The following RNF31 variants were observed in gnomAD, a reference collection of about 807,000 sequenced individuals.
The protein encoded by RNF31 is ring finger protein 31, also known as E3 ubiquitin-protein ligase RNF31.
In RNF31, 38 loss-of-function variants were observed where a neutral mutation model predicts 133.6. The ratio of observed to expected loss-of-function variants is 0.28; its 90% CI spans 0.22 to 0.37. The LOEUF (loss-of-function observed/expected upper bound fraction) is 0.37. Ranked by LOEUF, RNF31 falls within the 10% of genes least tolerant of loss-of-function variation. The pLI is 1.00. For missense variants in RNF31, 1,118 were observed against 1,394.1 expected (o/e 0.80, Z 3.15); for synonymous variants, 582 against 552.3 (o/e 1.05, Z -0.75).
chr14:24,157,739 C>A, intron 16 of RNF31, 101 bp downstream of exon 16: 2 of 1,163,664 alleles, frequency 1.7e-6, no homozygotes, highest in South Asian at 1.3e-5. Flanking sequence ...GAGAAGAGGT[C>A]AACGGGATGT....
rs1197765259 is a variant in RNF31 at position 24,160,243 on chromosome 14, C to G, written c.3001C>G (p.His1001Asp). ...PAGYAGLCQA[H>D]YKEYLVSLIN... ...TCTGCTCCCTTTTCTCCCCAGGGCACACTACAAAGAGTATCTTGTGAGCCT... is the reference window on the plus strand; with the variant it reads ...TCTGCTCCCTTTTCTCCCCAGGGCAGACTACAAAGAGTATCTTGTGAGCCT... The change falls in exon 20 of 21, where the codon CAC becomes GAC. Residue 1001 changes from histidine to aspartate, a missense_variant. Physicochemically the swap from His to Asp is moderately conservative, Grantham distance 81. This residue lies in a region of RNF31 where 170 missense variants were observed against 194.5 expected (regional missense o/e 0.87). Coordinates refer to ENST00000324103, the MANE Select transcript of RNF31 (RefSeq NM_017999.5). The surrounding 1 kb of genome is among the most constrained non-coding windows in gnomAD (Gnocchi z 4.0). 1.2e-6 allele frequency: 2 copies of G among 1,612,506 alleles called. No homozygotes were observed. The highest frequency in any genetic ancestry group is 1.7e-6 in the Non-Finnish European group (2 of 1,179,362).
At chr14:24,157,876 C>T (rs1245485217) in intron 16 of RNF31, 22 bp from the exon 17 acceptor site, 2 of 1,601,818 alleles carry the variant, frequency 1.2e-6, no homozygotes, top group Non-Finnish European at 1.7e-6. Context: ...AACTTCCTCT[C>T]TCCCATCTGG....
chr14:24,158,611 T>G (rs1052566214), intron 18 of RNF31: 1 of 188,554 alleles, frequency 5.3e-6, no homozygotes, highest in African/African-American at 2.4e-5. Flanking sequence ...AAGTCTACAG[T>G]CCATACCACC....
chr14:24,152,251 C>A (rs2038277861), intron 11 of RNF31, among the ~76,000 whole-genome samples: 1 of 152,122 alleles, frequency 6.6e-6, no homozygotes, highest in Non-Finnish European at 1.5e-5. Context: ...CCCCTGCAAC[C>A]CCTCCACTTC....
rs752905277 is a variant in RNF31, at chr14:24,157,418, A to G, written c.2608+14A>G. The G allele has an allele frequency of 6.9e-6, 11 of 1,605,650 alleles. No individual in the cohort carries two copies. Among genetic ancestry groups the G allele is most frequent in the East Asian group, 4.5e-5 (2 of 44,716 alleles). On this transcript the variant is annotated intron_variant, in intron 15 of 20. Coordinates refer to ENST00000324103, the MANE Select transcript of RNF31 (RefSeq NM_017999.5). ...AAAACGGCATTGGTAAGGCCTCCCT[A>G]CTCGGCCTGTTTGCTCAGAAGCCTG...
In RNF31 at chr14:24,151,703, A is replaced by C. The variant is rs746918030; in HGVS notation, c.1923+33A>C. ...GAGGAGGCAAGAAGCCCAAGGGTCC[A>C]CCTAGAGGAGCAAGAGGGAGCTGAG... is the stretch of plus-strand genomic sequence containing the variant. On this transcript the variant is annotated intron_variant, in intron 10 of 20. Coordinates refer to ENST00000324103, the MANE Select transcript of RNF31 (RefSeq NM_017999.5). The surrounding 1 kb of genome is among the most constrained non-coding windows in gnomAD (Gnocchi z 5.3). The C allele has an allele frequency of 1.6e-5, 25 of 1,606,622 alleles. No homozygotes were observed. Among genetic ancestry groups the C allele is most frequent in the Non-Finnish European group, 2.0e-5 (23 of 1,178,182 alleles).
Position 24,156,817 on chromosome 14 carries a change from A to G in RNF31, c.2494-473A>G, listed in dbSNP as rs2038347234. Among the ~76,000 whole-genome samples the G allele has an allele frequency of 2.0e-5, 3 of 152,118 alleles. No individual in the cohort carries two copies. The South Asian group carries it at 6.2e-4, about 32-fold the overall frequency. On this transcript the variant is annotated intron_variant, in intron 14 of 20. Coordinates refer to ENST00000324103, the MANE Select transcript of RNF31 (RefSeq NM_017999.5). ...GAAGTGTAATATTTGATACGAAAAAAATTTCATCTGCATCATGTCTGAAAT... is the reference window on the plus strand; with the variant it reads ...GAAGTGTAATATTTGATACGAAAAAGATTTCATCTGCATCATGTCTGAAAT...
Position 24,149,529 on chromosome 14 carries a change from A to G in RNF31, c.755A>G (p.His252Arg). The change falls in exon 6 of 21, where the codon CAT (histidine) becomes CGT (arginine). Residue 252 changes from histidine to arginine, a missense_variant. By Grantham distance (29) the His-to-Arg change is conservative (BLOSUM62 0). Transcript: ENST00000324103. ...HLFHGHPSRA[H>R]HLRQTLPGVL... ...TTCCATGGACACCCATCCCGTGCTC[A>G]TCACCTCCGCCAGACCCTGCCTGGG... 1 of 1,613,948 alleles carries G rather than the reference A, an allele frequency of 6.2e-7. No homozygotes were observed. Among genetic ancestry groups the G allele is most frequent in the Non-Finnish European group, 8.5e-7 (1 of 1,179,992 alleles).
At chr14:24,154,938 T>C in intron 11 of RNF31, 2 of 568,498 alleles carry the variant, frequency 3.5e-6, no homozygotes, top group Non-Finnish European at 6.3e-6. Flanking sequence ...ATAGGCACTT[T>C]TGCCTTTACC....
intron 3 of RNF31, 97 bp downstream of exon 3, chr14:24,148,510 TGGGCATAGTTCAGC>T (rs2038210961): frequency 1.2e-6 from 2 of 1,601,294 alleles, no homozygotes; most frequent in Non-Finnish European, 1.7e-6. Flanking sequence ...TGCTGAACTA[TGGGCATAGTTCAGC>T]ATTCTGGGAG....
In RNF31 at chr14:24,155,268, G is replaced by A. The variant is rs1180514194; in HGVS notation, c.2242G>A (p.Gly748Ser). The A allele has an allele frequency of 6.2e-7, 1 of 1,613,900 alleles. No homozygotes were observed. The highest frequency in any genetic ancestry group is 1.3e-5 in the African/African-American group (1 of 74,846). Reference sequence around the variant, plus strand: ...CACAGACATGGTGTGCCCTGCCTGTGGCCGCCCCGACCTCACCGATGACAC... The same window carrying A: ...CACAGACATGGTGTGCCCTGCCTGTAGCCGCCCCGACCTCACCGATGACAC... ...HITDMVCPAC[G>S]RPDLTDDTQL... Residue 748 changes from glycine (G) to serine (S), a missense_variant, in exon 12 of 21, where the codon GGC (glycine) becomes AGC (serine). Coordinates refer to ENST00000324103, the MANE Select transcript of RNF31 (RefSeq NM_017999.5). The surrounding 1 kb of genome is among the most constrained non-coding windows in gnomAD (Gnocchi z 4.9).
intron 11 of RNF31, among the ~76,000 whole-genome samples, chr14:24,152,486 G>A (rs1007173266): frequency 2.6e-5 from 4 of 152,044 alleles, no homozygotes; most frequent in African/African-American, 9.7e-5. Flanking sequence ...GCAATGGCGT[G>A]ATCTCGGCTC....
At position 24,155,056 on chromosome 14, in the gene RNF31, A is replaced by C. The variant is rs1594380362; in HGVS notation, c.2131-101A>C. The C allele has an allele frequency of 8.5e-7, 1 of 1,169,766 alleles. No homozygotes were observed. Among genetic ancestry groups the C allele is most frequent in the East Asian group, 2.5e-5 (1 of 39,932 alleles). 72.5% of individuals were successfully genotyped at this position (1,169,766 alleles called of 1,614,324 possible). A position where few individuals can be genotyped will look rare whatever the true frequency, so the allele number is the denominator to read the frequency against. On this transcript the variant is annotated intron_variant, in intron 11 of 20. Transcript: ENST00000324103. The surrounding 1 kb of genome is among the most constrained non-coding windows in gnomAD (Gnocchi z 4.9). The stretch of plus-strand genomic sequence containing the variant: ...AGGTTGTTAACCCTGCCCAGTTGTT[A>C]ATTAGACCCTGATTTCTTAGTGGAC...
chr14:24,156,778 C>CA (rs901356904), intron 14 of RNF31, among the ~76,000 whole-genome samples: 111 of 122,138 alleles, frequency 9.1e-4, no homozygotes, highest in East Asian at 3.9e-3. Context: ...GACTCCATCT[C>CA]AAAAAAAAAA....
Position 24,147,858 on chromosome 14 carries a change from G to GCAA in RNF31, c.162_163insACA (p.Ala54_Arg55insThr). On this transcript the variant is annotated inframe_insertion, in exon 1 of 21. Transcript: ENST00000324103. The stretch of plus-strand genomic sequence containing the variant: ...CGCCCGCTACCTGCAGCTGGACGCC[G>GCAA]CACGCCTTGTCCGCTGCAACGCTCA... 1 of 1,610,192 alleles carries GCAA rather than the reference G, an allele frequency of 6.2e-7. No individual in the cohort carries two copies. Among genetic ancestry groups the GCAA allele is most frequent in the Non-Finnish European group, 8.5e-7 (1 of 1,179,468 alleles).
chr14:24,157,397 C>T lies in RNF31; in HGVS notation c.2601C>T (p.Asn867=), dbSNP rs544823135. The T allele has an allele frequency of 2.5e-5, 40 of 1,608,876 alleles. No homozygotes were observed. Among genetic ancestry groups the T allele is most frequent in the Admixed American group, 1.3e-4 (8 of 59,788 alleles). ...AQGLAMYLQE[N]GIDCPKCKFS... ...GCCTAGCAATGTATCTTCAGGAAAA[C>T]GGCATTGGTAAGGCCTCCCTACTCG... Residue 867 remains asparagine (N), a synonymous_variant, in exon 15 of 21, where the codon AAC becomes AAT. Transcript: ENST00000324103.
rs910868182 is a variant in RNF31 at position 24,147,504 on chromosome 14, C to A, written c.-195C>A. Reference sequence around the variant, plus strand: ...CGCAGTCCCACCCTCTCTCCTAGTACTTCCTGTTCTCGGCTAACCCTGGCG... The same window carrying A: ...CGCAGTCCCACCCTCTCTCCTAGTAATTCCTGTTCTCGGCTAACCCTGGCG... On this transcript the variant is annotated 5_prime_UTR_variant, in exon 1 of 21. Transcript: ENST00000324103. The A allele has an allele frequency of 1.5e-5, 7 of 456,198 alleles. No individual in the cohort carries two copies. The highest frequency in any genetic ancestry group is 2.6e-5 in the Non-Finnish European group (7 of 267,534). 28.3% of individuals were successfully genotyped at this position (456,198 alleles called of 1,614,324 possible). A position where few individuals can be genotyped will look rare whatever the true frequency, so the allele number is the denominator to read the frequency against.
At position 24,152,008 on chromosome 14, in the gene RNF31, C is replaced by A. The variant is rs200711200; in HGVS notation, c.2130+16C>A. 6.2e-7 allele frequency: 1 copy of A among 1,611,142 alleles called. No homozygotes were observed. The highest frequency in any genetic ancestry group is 8.5e-7 in the Non-Finnish European group (1 of 1,178,198). On this transcript the variant is annotated intron_variant, in intron 11 of 20. Coordinates refer to ENST00000324103, the MANE Select transcript of RNF31 (RefSeq NM_017999.5). ...CCACAACCGGGTAAGTCCCTCCCCA[C>A]GATACCTGGTCCAAGAATTACTCTA...
Position 24,155,264 on chromosome 14 carries a change from C to T in RNF31, c.2238C>T (p.Ala746=), listed in dbSNP as rs2038325113. ...ACATCACAGACATGGTGTGCCCTGC[C>T]TGTGGCCGCCCCGACCTCACCGATG... ...EKHITDMVCP[A]CGRPDLTDDT... Residue 746 remains alanine, a synonymous_variant, in exon 12 of 21, where the codon GCC becomes GCT. Transcript: ENST00000324103. This position sits in a 1 kb window ranked among gnomAD's most constrained non-coding sequence, Gnocchi z 4.9. 2 of 1,614,032 alleles carry T rather than the reference C, an allele frequency of 1.2e-6. No individual in the cohort carries two copies. Among genetic ancestry groups the T allele is most frequent in the African/African-American group, 1.3e-5 (1 of 74,886 alleles).
Sources: gnomAD v4.1 joint callset for allele counts (sites outside exome capture counted in the v4.1 genomes callset) on GRCh38, gnomAD v4.1.1 for gene constraint, gnomAD v4.1.1 regional missense constraint, Gnocchi (gnomAD v3.1) non-coding constraint, MANE v1.5 for transcripts, NCBI Gene and HGNC (gene_info 2026-07-23, HGNC 2026-07-21) for gene names.